APP: variants seen among roughly 807,000 people sequenced by gnomAD.
The protein encoded by APP is amyloid beta precursor protein.
APP carries 31 observed loss-of-function variants against 101.4 expected under a neutral mutation model. That is an observed-to-expected ratio of 0.31 (90% confidence interval 0.23 to 0.41). APP has a LOEUF of 0.41. Ranked by LOEUF, APP falls within the 10% of genes least tolerant of loss-of-function variation. The pLI, the probability that APP is intolerant of heterozygous loss-of-function variation, is 1.00. For synonymous variants in APP, 366 were observed against 364.4 expected (o/e 1.00, Z -0.05); for missense variants, 839 against 1,003.7 (o/e 0.84, Z 2.22).
intron 8 of APP, among the ~76,000 whole-genome samples, chr21:25,995,666 C>T (rs1305985395): frequency 2.6e-5 from 4 of 152,188 alleles, no homozygotes; most frequent in Admixed American, 1.3e-4. Context: ...AGTGGAATAG[C>T]TAGAGCTTTT....
intron 16 of APP, among the ~76,000 whole-genome samples, chr21:25,895,242 T>G (rs547236277): frequency 2.6e-5 from 4 of 151,818 alleles, no homozygotes; most frequent in Non-Finnish European, 5.9e-5. Context: ...CTCGGCTCAC[T>G]GCAACCTCTG....
intron 5 of APP, among the ~76,000 whole-genome samples, chr21:26,040,655 G>A (rs1601297093): frequency 6.6e-6 from 1 of 150,538 alleles, no homozygotes; most frequent in Non-Finnish European, 1.5e-5. Context: ...TGTAATCCTC[G>A]GGAGACTGAG....
intron 17 of APP, among the ~76,000 whole-genome samples, chr21:25,889,513 G>A (rs143032840): frequency 3.9e-4 from 59 of 152,264 alleles, no homozygotes; most frequent in African/African-American, 1.2e-3. Context: ...CGGACAGACC[G>A]GCAACAAAGA....
rs148958370 is a variant in APP at position 25,980,068 on chromosome 21, G to C, written c.1224+2276C>G. On this transcript the variant is annotated intron_variant, in intron 9 of 17. Coordinates refer to ENST00000346798, the MANE Select transcript of APP (RefSeq NM_000484.4). ...GAAGAGTGGGAGGGCATTTCCAGAA[G>C]AACTCAATGCCAAGGGCAAAGGGAA... 3.8e-3 allele frequency among the ~76,000 whole-genome samples: 583 copies of C among 152,304 alleles called. 5 individuals carry two copies. Among genetic ancestry groups the C allele is most frequent in the African/African-American group, 0.013 (558 of 41,582 alleles).
chr21:25,927,287 C>T (rs140778862), intron 13 of APP, among the ~76,000 whole-genome samples: 75 of 152,050 alleles, frequency 4.9e-4, no homozygotes, highest in Non-Finnish European at 9.1e-4. Flanking sequence ...GAACACTCTC[C>T]CAAGTCTTTA....
chr21:26,141,635 T>C (rs2063047678), intron 1 of APP, among the ~76,000 whole-genome samples: 1 of 152,166 alleles, frequency 6.6e-6, no homozygotes, highest in Admixed American at 6.5e-5. Context: ...AGCCAATCAA[T>C]CACCAATGCT....
intron 15 of APP, chr21:25,898,083 G>C (rs183013384): frequency 1.5e-4 from 28 of 189,470 alleles, no homozygotes; most frequent in Middle Eastern, 4.8e-3. Flanking sequence ...AATAATAAAA[G>C]GCTTTAAAAA....
At chr21:25,915,997 A>C (rs1167464038) in intron 13 of APP, among the ~76,000 whole-genome samples, 1 of 151,874 alleles carries the variant, frequency 6.6e-6, no homozygotes, top group Non-Finnish European at 1.5e-5. Context: ...GTCGTTGTTC[A>C]AAATAGGAAG....
intron 1 of APP, among the ~76,000 whole-genome samples, chr21:26,137,891 GAT>G (rs1046616134): frequency 1.3e-5 from 2 of 152,082 alleles, no homozygotes; most frequent in African/African-American, 4.8e-5. Context: ...CTGTTCCAAT[GAT>G]TTTCCTGATG....
rs573561115 is a variant in APP, at chr21:25,903,068, A to T, written c.1963+1956T>A. ...TTTTGTTAGATTTAGATTAAAAAAA[A>T]TTTTTTTTAAAAGAATAGGCCGGGC... is the stretch of plus-strand genomic sequence containing the variant. On this transcript the variant is annotated intron_variant, in intron 15 of 17. Coordinates refer to ENST00000346798, the MANE Select transcript of APP (RefSeq NM_000484.4). Among the ~76,000 whole-genome samples, 33 of 121,240 alleles carry T rather than the reference A, an allele frequency of 2.7e-4. 1 individual carries two copies. The highest frequency in any genetic ancestry group is 9.3e-4 in the South Asian group (3 of 3,210). The allele number at this position is 121,240 out of a possible 152,430, so 79.5% of individuals were successfully genotyped here. A position where few individuals can be genotyped will look rare whatever the true frequency, so the allele number is the denominator to read the frequency against.
intron 15 of APP, among the ~76,000 whole-genome samples, chr21:25,903,522 G>A (rs1168635450): frequency 1.3e-5 from 2 of 152,052 alleles, no homozygotes; most frequent in African/African-American, 4.8e-5. Context: ...TCGAATGAGC[G>A]CTTTCTAAGT....
At chr21:26,104,949 T>C (rs1036983929) in intron 2 of APP, among the ~76,000 whole-genome samples, 2 of 150,452 alleles carry the variant, frequency 1.3e-5, no homozygotes, top group African/African-American at 2.5e-5. Context: ...ATTTTGGTCA[T>C]GAGAGACACA....
chr21:25,882,376 A>T (rs2037048628), intron 17 of APP, among the ~76,000 whole-genome samples: 1 of 148,872 alleles, frequency 6.7e-6, no homozygotes, highest in Non-Finnish European at 1.5e-5. Flanking sequence ...GGCACAAGAA[A>T]AAAGGAAGAG....
intron 11 of APP, among the ~76,000 whole-genome samples, chr21:25,965,084 T>A (rs73338722): frequency 6.6e-6 from 1 of 152,196 alleles, no homozygotes; most frequent in African/African-American, 2.4e-5. Context: ...TAGCACAGAA[T>A]GGATAAAGAG....
chr21:25,928,119 C>T (rs1387528550), intron 13 of APP, among the ~76,000 whole-genome samples: 2 of 151,644 alleles, frequency 1.3e-5, no homozygotes, highest in African/African-American at 2.4e-5. Context: ...CTGAGGTGGG[C>T]GGTTCACGAG....
intron 3 of APP, among the ~76,000 whole-genome samples, chr21:26,073,635 T>C (rs899508569): frequency 6.6e-6 from 1 of 152,162 alleles, no homozygotes; most frequent in African/African-American, 2.4e-5. Flanking sequence ...CAGGGAGCTC[T>C]AAAGAAGAGG....
chr21:26,153,784 T>C (rs2063323826), intron 1 of APP, among the ~76,000 whole-genome samples: 1 of 152,172 alleles, frequency 6.6e-6, no homozygotes, highest in African/African-American at 2.4e-5. Context: ...AGATGAGAAG[T>C]CCTGAGGATC....
At chr21:25,958,130 G>T (rs147298087) in intron 11 of APP, among the ~76,000 whole-genome samples, 3,317 of 152,246 alleles carry the variant, frequency 0.022, 61 homozygotes, top group South Asian at 0.049. Context: ...GGTACACCAG[G>T]ATGCCATGGC....
intron 3 of APP, among the ~76,000 whole-genome samples, chr21:26,076,156 A>G (rs2061494163): frequency 6.6e-6 from 1 of 152,128 alleles, no homozygotes; most frequent in Non-Finnish European, 1.5e-5. Context: ...GGCCTCCCAA[A>G]GTGCTGGGAT....
Sources: allele counts gnomAD v4.1 joint callset (sites outside exome capture counted in the v4.1 genomes callset), GRCh38; gene constraint gnomAD v4.1.1; transcripts MANE v1.5; gene names NCBI Gene and HGNC (gene_info 2026-07-23, HGNC 2026-07-21).